Variants in TMEM39A observed in about 807,000 individuals in gnomAD.
The protein encoded by TMEM39A is transmembrane protein 39A, also known as suppressor of SQST-1 aggregates in rpl-43 mutants.
Under a neutral mutation model 51.9 loss-of-function variants are expected in TMEM39A, and 19 were observed. The ratio of observed to expected loss-of-function variants is 0.37; its 90% CI spans 0.26 to 0.54. The LOEUF (loss-of-function observed/expected upper bound fraction) is 0.54, where lower values mean the gene tolerates loss of function less well. Among genes scored for constraint, TMEM39A ranks in the 20% least tolerant of loss-of-function variants. The pLI is 0.88. For synonymous variants in TMEM39A, 197 were observed against 220.2 expected (o/e 0.89, Z 0.93); for missense variants, 433 against 590.5 (o/e 0.73, Z 2.76).
chr3:119,456,587 C>T (rs920100535), intron 3 of TMEM39A, among the ~76,000 whole-genome samples: 2 of 152,156 alleles, frequency 1.3e-5, no homozygotes, highest in African/African-American at 4.8e-5. Flanking sequence ...TCGCCTAGAG[C>T]CTATCTCTAT....
chr3:119,462,863 G>A (rs922034710), intron 1 of TMEM39A, among the ~76,000 whole-genome samples: 37 of 142,416 alleles, frequency 2.6e-4, no homozygotes, highest in African/African-American at 7.9e-5. Flanking sequence ...GCAAGATTAA[G>A]AAGCAAGTAA....
chr3:119,458,685 A>C (rs2107690705), intron 2 of TMEM39A, among the ~76,000 whole-genome samples: 1 of 152,292 alleles, frequency 6.6e-6, no homozygotes, highest in African/African-American at 2.4e-5. Flanking sequence ...ACCTGAGGTC[A>C]GGAGTTCAAG....
intron 7 of TMEM39A, chr3:119,435,787 T>C (rs907354422): frequency 1.5e-5 from 18 of 1,213,696 alleles, no homozygotes; most frequent in African/African-American, 3.1e-5. Flanking sequence ...CTCATGGCCA[T>C]GTGCCATCAG....
chr3:119,433,001 A>G (rs1204331340), intron 8 of TMEM39A, among the ~76,000 whole-genome samples: 1 of 152,222 alleles, frequency 6.6e-6, no homozygotes, highest in African/African-American at 2.4e-5. Context: ...ATACAAAGTT[A>G]TTATGAATAC....
At chr3:119,447,814 G>C (rs2081148326) in intron 4 of TMEM39A, among the ~76,000 whole-genome samples, 2 of 152,138 alleles carry the variant, frequency 1.3e-5, no homozygotes, top group South Asian at 2.1e-4. Context: ...AGTAGAGACA[G>C]GGTTTTACCA....
chr3:119,439,926 C>T (rs79226871), intron 5 of TMEM39A, among the ~76,000 whole-genome samples: 3,524 of 152,212 alleles, frequency 0.023, 137 homozygotes, highest in African/African-American at 0.08. Flanking sequence ...TGCCATTACA[C>T]GCGGCTAATT....
intron 5 of TMEM39A, among the ~76,000 whole-genome samples, chr3:119,439,497 T>C (rs79339205): frequency 8.6e-5 from 13 of 150,644 alleles, no homozygotes; most frequent in Admixed American, 8.0e-4. Context: ...GGAGAATCAC[T>C]TGAACCCTGG....
intron 6 of TMEM39A, 110 bp downstream of exon 6, chr3:119,437,645 C>T (rs955062507): frequency 1.3e-5 from 11 of 876,318 alleles, no homozygotes; most frequent in Middle Eastern, 2.3e-4. Flanking sequence ...ACTCCACCAT[C>T]CAGGCTGCCA....
At chr3:119,432,312 G>T in intron 8 of TMEM39A, 98 bp from the exon 9 acceptor site, 2 of 784,564 alleles carry the variant, frequency 2.5e-6, no homozygotes, top group Non-Finnish European at 4.0e-6. Flanking sequence ...AACATTTACA[G>T]GTTCCCATAT....
At chr3:119,434,489 CTGCT>C (rs2080942507) in intron 8 of TMEM39A, among the ~76,000 whole-genome samples, 1 of 152,114 alleles carries the variant, frequency 6.6e-6, no homozygotes. Flanking sequence ...AGATAACTGC[CTGCT>C]TGTTTCAAGT....
rs77657854 is a variant in TMEM39A at position 119,461,954 on chromosome 3, T to G, written c.113+8A>C. 3,886 of 1,609,154 alleles carry G rather than the reference T, an allele frequency of 2.4e-3. 81 individuals carry two copies. The African/African-American group carries it at 0.04, about 17-fold the overall frequency. Reference sequence around the variant, plus strand: ...TTAAAATTATATATAGCCTTATTTTTTCTTTACCTGTTTCTCAAGCCTGTT... The same window carrying G: ...TTAAAATTATATATAGCCTTATTTTGTCTTTACCTGTTTCTCAAGCCTGTT... On this transcript the variant is annotated splice_region_variant and intron_variant, in intron 2 of 8. Transcript: ENST00000319172.
chr3:119,443,681 C>T (rs2081085141), intron 5 of TMEM39A, among the ~76,000 whole-genome samples: 1 of 152,072 alleles, frequency 6.6e-6, no homozygotes, highest in East Asian at 1.9e-4. Flanking sequence ...TTTGGGAGGC[C>T]AAGGCAAGAG....
At chr3:119,436,604 C>A (rs1357915019) in intron 7 of TMEM39A, 187 bp downstream of exon 7, 7 of 585,588 alleles carry the variant, frequency 1.2e-5, no homozygotes, top group Non-Finnish European at 2.1e-5. Flanking sequence ...ATTTAAGGAG[C>A]TGGGGTGGTG....
chr3:119,432,014 G>GT lies in TMEM39A; in HGVS notation c.1433dup (p.Tyr478Ter). The GT allele has an allele frequency of 6.2e-7, 1 of 1,612,378 alleles. No homozygotes were observed. Among genetic ancestry groups the GT allele is most frequent in the African/African-American group, 1.3e-5 (1 of 74,954 alleles). Residue 478 changes from tyrosine (Y) to a stop codon, truncating the protein, a stop_gained and frameshift_variant, in exon 9 of 9, where the codon TAC becomes TAAC. Transcript: ENST00000319172. LOFTEE classifies it high-confidence loss of function. Reference sequence around the variant, plus strand: ...CCTTGAGTTCATAACTGTTGAGTGGGTAGGAGTATGCCCTGCCTAATACTA... The same window carrying GT: ...CCTTGAGTTCATAACTGTTGAGTGGGTTAGGAGTATGCCCTGCCTAATACTA... ...DRIVLGRAYS[Y>*]PLNSYELKAN
At chr3:119,437,633 G>A (rs1266587470) in intron 6 of TMEM39A, 122 bp downstream of exon 6, 15 of 758,678 alleles carry the variant, frequency 2.0e-5, no homozygotes, top group East Asian at 2.7e-5. Context: ...AGATGCAGCC[G>A]AACTCCACCA....
chr3:119,444,534 C>A (rs1384630336), intron 5 of TMEM39A, among the ~76,000 whole-genome samples: 1 of 152,184 alleles, frequency 6.6e-6, no homozygotes, highest in East Asian at 1.9e-4. Context: ...AATAGAAAGA[C>A]TGTTCCTGTC....
At chr3:119,459,955 T>C (rs752259366) in intron 2 of TMEM39A, among the ~76,000 whole-genome samples, 7 of 152,182 alleles carry the variant, frequency 4.6e-5, no homozygotes, top group African/African-American at 9.7e-5. Flanking sequence ...AGCTATCCGC[T>C]AGTTCTTTCA....
chr3:119,457,178 G>C (rs1021220823), intron 3 of TMEM39A, among the ~76,000 whole-genome samples: 1 of 151,570 alleles, frequency 6.6e-6, no homozygotes, highest in South Asian at 2.1e-4. Context: ...CACCGTGTTA[G>C]CCAGGATGGT....
intron 2 of TMEM39A, among the ~76,000 whole-genome samples, chr3:119,458,620 C>A (rs1010471452): frequency 6.6e-6 from 1 of 152,114 alleles, no homozygotes; most frequent in African/African-American, 2.4e-5. Context: ...CTTGGCCAGG[C>A]GTGGTGGCTC....
Sources: gnomAD v4.1 joint callset for allele counts (sites outside exome capture counted in the v4.1 genomes callset) on GRCh38, gnomAD v4.1.1 for gene constraint, MANE v1.5 for transcripts, NCBI Gene and HGNC (gene_info 2026-07-23, HGNC 2026-07-21) for gene names.